NOL4L: variants seen among roughly 807,000 people sequenced by gnomAD.
The protein encoded by NOL4L is nucleolar protein 4-like.
Under a neutral mutation model 64.5 loss-of-function variants are expected in NOL4L, and 7 were observed. The ratio of observed to expected loss-of-function variants is 0.11; its 90% CI spans 0.06 to 0.20. NOL4L has a LOEUF of 0.20. Ranked by LOEUF, NOL4L falls within the 10% of genes least tolerant of loss-of-function variation. The pLI is 1.00. For synonymous variants in NOL4L, 413 were observed against 401.0 expected, an observed-to-expected ratio of 1.03 and a Z score of -0.36; for missense variants, 680 against 967.1, an observed-to-expected ratio of 0.70 and a Z score of 3.94.
In NOL4L at chr20:32,456,365, T is replaced by C; in HGVS notation, c.872A>G (p.Asn291Ser). The stretch of plus-strand genomic sequence containing the variant: ...GGATGGGTTCAGGGTGGAGGAGCCA[T>C]TGCCGCTGCCACTCTCAGAGGAGGA... ...DDSSSESGSG[N>S]GSSTLNPSTS... Residue 291 changes from asparagine to serine, a missense_variant, in exon 6 of 11, where the codon AAT becomes AGT. Asn to Ser is a conservative substitution (Grantham distance 46, BLOSUM62 1). This residue lies in a region of NOL4L where 254 missense variants were observed against 238.7 expected (regional missense o/e 1.06). Transcript: ENST00000621426. The C allele has an allele frequency of 6.8e-7, 1 of 1,466,200 alleles. No homozygotes were observed. The highest frequency in any genetic ancestry group is 1.4e-5 in the South Asian group (1 of 69,364). 90.8% of individuals were successfully genotyped at this position (1,466,200 alleles called of 1,614,324 possible).
chr20:32,543,083 G>GA (rs1474492270), intron 1 of NOL4L, among the ~76,000 whole-genome samples: 3 of 152,164 alleles, frequency 2.0e-5, no homozygotes, highest in African/African-American at 7.2e-5. Flanking sequence ...AAAGGGAAAA[G>GA]AATAAAGCTC....
At chr20:32,556,277 G>A (rs63569661) in intron 1 of NOL4L, among the ~76,000 whole-genome samples, 8 of 146,294 alleles carry the variant, frequency 5.5e-5, no homozygotes, top group Non-Finnish European at 1.2e-4. Context: ...TCCTTTGTGG[G>A]GGGGGGGGGT....
intron 1 of NOL4L, among the ~76,000 whole-genome samples, chr20:32,542,926 C>T (rs1019715551): frequency 3.9e-5 from 6 of 152,146 alleles, no homozygotes; most frequent in South Asian, 2.1e-4. Context: ...TTAGGAGAAC[C>T]GACCTCACGG....
At chr20:32,504,252 TCTTTAA>T (rs1371321518) in intron 4 of NOL4L, among the ~76,000 whole-genome samples, 2 of 152,208 alleles carry the variant, frequency 1.3e-5, no homozygotes, top group Non-Finnish European at 2.9e-5. Flanking sequence ...TGGAGATTAC[TCTTTAA>T]CTTTAAAGAA....
intron 1 of NOL4L, among the ~76,000 whole-genome samples, chr20:32,560,692 G>A (rs1978953356): frequency 6.6e-6 from 1 of 152,188 alleles, no homozygotes; most frequent in Non-Finnish European, 1.5e-5. Flanking sequence ...TGCACCAAAG[G>A]ACAAACAGCA....
At chr20:32,513,429 G>A (rs763551431) in intron 3 of NOL4L, among the ~76,000 whole-genome samples, 2 of 152,208 alleles carry the variant, frequency 1.3e-5, no homozygotes, top group African/African-American at 4.8e-5. Context: ...AAAGTAACTC[G>A]AGGTTACTGG....
intron 1 of NOL4L, among the ~76,000 whole-genome samples, chr20:32,558,621 C>G (rs941239357): frequency 6.6e-6 from 1 of 152,216 alleles, no homozygotes; most frequent in Non-Finnish European, 1.5e-5. Flanking sequence ...CCCTGACAGC[C>G]GTAACGGAGG....
chr20:32,559,998 C>A (rs575152709), intron 1 of NOL4L, among the ~76,000 whole-genome samples: 1 of 152,362 alleles, frequency 6.6e-6, no homozygotes, highest in Admixed American at 6.5e-5. Flanking sequence ...GTGCCCGGCC[C>A]CCTGGCACTC....
At chr20:32,488,807 T>C (rs55905685) in intron 4 of NOL4L, among the ~76,000 whole-genome samples, 2,747 of 25,700 alleles carry the variant, frequency 0.11, 253 homozygotes, top group Middle Eastern at 0.22. Context: ...TTCTTTCTTT[T>C]TCTTTCTTTC....
intron 4 of NOL4L, chr20:32,483,471 G>A (rs930936337): frequency 1.0e-4 from 99 of 991,520 alleles, no homozygotes; most frequent in Non-Finnish European, 1.1e-4. Flanking sequence ...TGCCGCCGCG[G>A]CTGCCCGGGG....
rs3841373 is a variant in NOL4L, at chr20:32,444,364, A to AAAG, written c.*3229_*3231dup. 9.8e-5 allele frequency: 15 copies of AAAG among 152,334 alleles called. 1 individual carries two copies. The East Asian group carries it at 1.7e-3, about 18-fold the overall frequency. 9.4% of individuals were successfully genotyped at this position (152,334 alleles called of 1,614,324 possible). A position where few individuals can be genotyped will look rare whatever the true frequency, so the allele number is the denominator to read the frequency against. On this transcript the variant is annotated 3_prime_UTR_variant, in exon 11 of 11. Transcript: ENST00000621426. ...AAGTTTTACAAAAAATTACAAATTA[A>AAAG]AAGTATCAACCCTCTGAGTTCAAAG...
chr20:32,544,090 T>C (rs2018699283), intron 1 of NOL4L, among the ~76,000 whole-genome samples: 1 of 151,894 alleles, frequency 6.6e-6, no homozygotes, highest in Non-Finnish European at 1.5e-5. Flanking sequence ...CAGGCAGCCA[T>C]AGAGGGATTT....
intron 4 of NOL4L, among the ~76,000 whole-genome samples, chr20:32,488,744 T>TTC (rs2016209570): frequency 6.6e-6 from 1 of 150,416 alleles, no homozygotes. Flanking sequence ...TTTCTTTCTT[T>TTC]CTTTTCCTTC....
intron 1 of NOL4L, among the ~76,000 whole-genome samples, chr20:32,576,746 G>A (rs1379432233): frequency 1.3e-5 from 2 of 152,224 alleles, no homozygotes; most frequent in Non-Finnish European, 2.9e-5. Flanking sequence ...AGCCCGCCCA[G>A]GCCAGGCCTG....
chr20:32,463,771 C>T lies in NOL4L; in HGVS notation c.842-7376G>A, dbSNP rs530707342. Among the ~76,000 whole-genome samples, 1 of 152,296 alleles carries T rather than the reference C, an allele frequency of 6.6e-6. No homozygotes were observed. Among genetic ancestry groups the T allele is most frequent in the South Asian group, 2.1e-4 (1 of 4,826 alleles). On this transcript the variant is annotated intron_variant, in intron 5 of 10. Coordinates refer to ENST00000621426, the MANE Select transcript of NOL4L (RefSeq NM_001256798.2). This position sits in a 1 kb window ranked among gnomAD's most constrained non-coding sequence, Gnocchi z 5.8. The stretch of plus-strand genomic sequence containing the variant: ...CAGCCCGCACAAGCCCAGCTCTGTG[C>T]GAACCACCAATCGCCACACCGCGCT...
At chr20:32,447,865 A>G in intron 10 of NOL4L, 49 bp from the exon 11 acceptor site, 1 of 1,514,010 alleles carries the variant, frequency 6.6e-7, no homozygotes, top group Non-Finnish European at 8.8e-7. Context: ...CCTGCCTGGC[A>G]TCTGGGAGGT....
In NOL4L at chr20:32,463,175, C is replaced by T. The variant is rs1016886655; in HGVS notation, c.842-6780G>A. ...CCGAAGCCCCAGCACACAGGCCTCA[C>T]GGGGTGCAGGCCTCCAGCTGGGAGG... On this transcript the variant is annotated intron_variant, in intron 5 of 10. Transcript: ENST00000621426. The surrounding 1 kb of genome is among the most constrained non-coding windows in gnomAD (Gnocchi z 5.8). 5.3e-5 allele frequency among the ~76,000 whole-genome samples: 8 copies of T among 152,310 alleles called. No homozygotes were observed. The highest frequency in any genetic ancestry group is 2.0e-4 in the Admixed American group (3 of 15,302).
At position 32,445,079 on chromosome 20, in the gene NOL4L, A is replaced by AG. The variant is rs1363165568; in HGVS notation, c.*2516dup. ...ACTGGAAAGGAGGAGCCCACCCAAG[A>AG]GGTGGGGTCGACATGATGAAATCCA... On this transcript the variant is annotated 3_prime_UTR_variant, in exon 11 of 11. Coordinates refer to ENST00000621426, the MANE Select transcript of NOL4L (RefSeq NM_001256798.2). The AG allele has an allele frequency of 6.6e-6, 1 of 152,212 alleles. No individual in the cohort carries two copies. The highest frequency in any genetic ancestry group is 6.5e-5 in the Admixed American group (1 of 15,282). The allele number at this position is 152,212 out of a possible 1,614,324, so 9.4% of individuals were successfully genotyped here.
intron 1 of NOL4L, among the ~76,000 whole-genome samples, chr20:32,561,875 G>C (rs1308006039): frequency 6.6e-6 from 1 of 152,202 alleles, no homozygotes; most frequent in Non-Finnish European, 1.5e-5. Flanking sequence ...TGTAGTCCCA[G>C]CTATTCGGGA....
Sources: allele counts gnomAD v4.1 joint callset (sites outside exome capture counted in the v4.1 genomes callset), GRCh38; gene constraint gnomAD v4.1.1; regional missense constraint gnomAD v4.1.1; non-coding constraint Gnocchi (gnomAD v3.1); transcripts MANE v1.5; gene names NCBI Gene and HGNC (gene_info 2026-07-23, HGNC 2026-07-21).